COX10: variants seen among roughly 807,000 people sequenced by gnomAD.
COX10 encodes the protein cytochrome c oxidase assembly factor heme A:farnesyltransferase COX10.
COX10 carries 27 observed loss-of-function variants against 37.3 expected under a neutral mutation model. That is an observed-to-expected ratio of 0.72 (90% CI 0.53 to 1.00). COX10 has a LOEUF of 1.00. COX10 is among the 50% of genes least tolerant of loss of function. The pLI is 0.00. For synonymous variants in COX10, 222 were observed against 229.1 expected, an observed-to-expected ratio of 0.97 and a Z score of 0.28; for missense variants, 475 against 563.2, an observed-to-expected ratio of 0.84 and a Z score of 1.59.
chr17:14,198,041 T>C (rs1259340642), intron 6 of COX10, among the ~76,000 whole-genome samples: 1 of 152,220 alleles, frequency 6.6e-6, no homozygotes, highest in Non-Finnish European at 1.5e-5. Flanking sequence ...AAATGCTTCC[T>C]AGCTAAGATT....
rs1906770087 is a variant in COX10, at chr17:14,208,284, C to G, written c.*1071C>G. The G allele has an allele frequency of 6.6e-6, 1 of 152,072 alleles. No individual in the cohort carries two copies. The highest frequency in any genetic ancestry group is 2.4e-5 in the African/African-American group (1 of 41,392). The allele number at this position is 152,072 out of a possible 1,614,324, so 9.4% of individuals were successfully genotyped here. ...CTGTGGCCAGGTGTGGTCTCGGTTACCAAATACGGTTACCTGCAGCTTTTT... is the reference window on the plus strand; with the variant it reads ...CTGTGGCCAGGTGTGGTCTCGGTTAGCAAATACGGTTACCTGCAGCTTTTT... On this transcript the variant is annotated 3_prime_UTR_variant, in exon 7 of 7. Coordinates refer to ENST00000261643, the MANE Select transcript of COX10 (RefSeq NM_001303.4).
chr17:14,123,874 C>T (rs762131490), intron 4 of COX10, among the ~76,000 whole-genome samples: 1 of 152,094 alleles, frequency 6.6e-6, no homozygotes, highest in African/African-American at 2.4e-5. Context: ...TTAATCAGTC[C>T]GTTTTAAGTC....
rs1338818407 is a variant in COX10 at position 14,207,220 on chromosome 17, T to A, written c.*7T>A. ...AGGGCCCCCTCCCAGCTGAGAGCAC[T>A]GGGACGCCCACCGCCCCTTTCCCTC... is the stretch of plus-strand genomic sequence containing the variant. On this transcript the variant is annotated 3_prime_UTR_variant, in exon 7 of 7. Transcript: ENST00000261643. The A allele has an allele frequency of 6.3e-7, 1 of 1,581,170 alleles. No homozygotes were observed. Among genetic ancestry groups the A allele is most frequent in the African/African-American group, 1.3e-5 (1 of 74,502 alleles).
chr17:14,175,846 G>A (rs202141231), intron 5 of COX10, among the ~76,000 whole-genome samples: 3,248 of 151,010 alleles, frequency 0.022, 113 homozygotes, highest in East Asian at 0.15. Flanking sequence ...CTGGGGGAAC[G>A]TACGGTGGCC....
chr17:14,147,110 T>C (rs1207722320), intron 4 of COX10, among the ~76,000 whole-genome samples: 2 of 152,080 alleles, frequency 1.3e-5, no homozygotes, highest in Non-Finnish European at 2.9e-5. Flanking sequence ...AAACTAACAA[T>C]AGAGCTGCCA....
chr17:14,070,685 A>G (rs1025972712), intron 1 of COX10, among the ~76,000 whole-genome samples: 3 of 152,238 alleles, frequency 2.0e-5, no homozygotes, highest in Admixed American at 2.0e-4. Flanking sequence ...GTCACCTACC[A>G]CACACAAGCT....
At chr17:14,133,253 T>C (rs180763266) in intron 4 of COX10, among the ~76,000 whole-genome samples, 2 of 151,774 alleles carry the variant, frequency 1.3e-5, no homozygotes, top group Admixed American at 6.6e-5. Flanking sequence ...ACATGAAAAT[T>C]GTTATAAAAT....
At chr17:14,090,580 C>G (rs1046021377) in intron 3 of COX10, among the ~76,000 whole-genome samples, 2 of 152,160 alleles carry the variant, frequency 1.3e-5, no homozygotes, top group Admixed American at 1.3e-4. Context: ...GATATTTTAT[C>G]TGTAGATGGA....
chr17:14,123,020 A>C (rs1189919398), intron 4 of COX10, among the ~76,000 whole-genome samples: 1 of 152,172 alleles, frequency 6.6e-6, no homozygotes, highest in Non-Finnish European at 1.5e-5. Context: ...GTGGACAGGG[A>C]GCTAGGAGTG....
rs2856156 is a variant in COX10 at position 14,181,685 on chromosome 17, A to G, written c.696-10304A>G. Among the ~76,000 whole-genome samples the G allele has an allele frequency of 6.8e-3, 1,043 of 152,266 alleles. 9 individuals carry two copies. Among genetic ancestry groups the G allele is most frequent in the African/African-American group, 0.024 (995 of 41,510 alleles). ...TCTGGCTCAGTCAGGAGAAAGGAAA[A>G]GTATGTGTCTGTCACGTGGCAGGCA... is the stretch of plus-strand genomic sequence containing the variant. On this transcript the variant is annotated intron_variant, in intron 5 of 6. Transcript: ENST00000261643.
At chr17:14,153,643 T>C (rs1904963081) in intron 4 of COX10, among the ~76,000 whole-genome samples, 1 of 152,180 alleles carries the variant, frequency 6.6e-6, no homozygotes, top group African/African-American at 2.4e-5. Flanking sequence ...GGAACTTTCA[T>C]ATACTGCTGT....
intron 3 of COX10, among the ~76,000 whole-genome samples, chr17:14,098,643 G>A (rs1915703989): frequency 6.6e-6 from 1 of 152,090 alleles, no homozygotes; most frequent in Non-Finnish European, 1.5e-5. Context: ...AATGTGTGCA[G>A]GTAAAACTAA....
intron 5 of COX10, among the ~76,000 whole-genome samples, chr17:14,170,336 G>T (rs554283572): frequency 6.6e-6 from 1 of 152,130 alleles, no homozygotes; most frequent in Admixed American, 6.5e-5. Context: ...TTAACTTGGT[G>T]ACTGGAAAAA....
chr17:14,093,087 C>CT (rs1214433718), intron 3 of COX10, among the ~76,000 whole-genome samples: 1 of 152,150 alleles, frequency 6.6e-6, no homozygotes, highest in Non-Finnish European at 1.5e-5. Flanking sequence ...TGCATAGTAT[C>CT]TGCTATCAAG....
At chr17:14,197,223 C>T (rs116302434) in intron 6 of COX10, among the ~76,000 whole-genome samples, 3 of 152,144 alleles carry the variant, frequency 2.0e-5, no homozygotes, top group Non-Finnish European at 2.9e-5. Context: ...GGTCAGAGTG[C>T]TCCACCAAGC....
At chr17:14,141,053 G>C (rs1279070060) in intron 4 of COX10, among the ~76,000 whole-genome samples, 1 of 149,932 alleles carries the variant, frequency 6.7e-6, no homozygotes, top group African/African-American at 2.5e-5. Context: ...TTTTTTTTTT[G>C]CGTAATCATG....
At chr17:14,072,600 C>T (rs1862890318) in intron 1 of COX10, among the ~76,000 whole-genome samples, 1 of 152,152 alleles carries the variant, frequency 6.6e-6, no homozygotes, top group Admixed American at 6.5e-5. Context: ...GGTAATCCAC[C>T]CACTTAATCA....
At chr17:14,205,555 G>T (rs1906672269) in intron 6 of COX10, among the ~76,000 whole-genome samples, 1 of 152,158 alleles carries the variant, frequency 6.6e-6, no homozygotes, top group Non-Finnish European at 1.5e-5. Context: ...GCCTAGCACG[G>T]TGCTTACCCC....
intron 4 of COX10, among the ~76,000 whole-genome samples, chr17:14,117,178 T>C (rs2142210172): frequency 6.6e-6 from 1 of 152,324 alleles, no homozygotes; most frequent in Non-Finnish European, 1.5e-5. Flanking sequence ...TTTTTTTACG[T>C]TAAAAACATT....
Sources: allele counts gnomAD v4.1 joint callset (sites outside exome capture counted in the v4.1 genomes callset), GRCh38; gene constraint gnomAD v4.1.1; transcripts MANE v1.5; gene names NCBI Gene and HGNC (gene_info 2026-07-23, HGNC 2026-07-21).